CACNA2D4: variants seen among roughly 807,000 people sequenced by gnomAD.
CACNA2D4 encodes the protein voltage-dependent calcium channel subunit alpha-2/delta-4.
CACNA2D4 carries 157 observed loss-of-function variants against 163.8 expected under a neutral mutation model. The ratio of observed to expected loss-of-function variants is 0.96; its 90% CI spans 0.84 to 1.09. The LOEUF is 1.09. Among genes scored for constraint, CACNA2D4 ranks in the 50% least tolerant of loss-of-function variants. The pLI is 0.00. For missense variants in CACNA2D4, 1,410 were observed against 1,479.9 expected (o/e 0.95, Z 0.78); for synonymous variants, 598 against 586.9 (o/e 1.02, Z -0.27).
rs1445388327 is a variant in CACNA2D4, at chr12:1,810,572, C to T, written c.2629G>A (p.Gly877Arg). The change falls in exon 28 of 38, where the codon GGG (glycine) becomes AGG (arginine). Residue 877 changes from glycine (G) to arginine (R), a missense_variant. By Grantham distance (125) the Gly-to-Arg change is moderately radical. Transcript: ENST00000382722. The part of the protein sequence containing the change: ...AATRQCSTVD[G>R]PCTQSCEDSD... Reference sequence around the variant, plus strand: ...TCCTCGCAGCTCTGTGTGCACGGCCCATCCACAGTGCTGCACTGGAAGGAA... The same window carrying T: ...TCCTCGCAGCTCTGTGTGCACGGCCTATCCACAGTGCTGCACTGGAAGGAA... 1.9e-6 allele frequency: 3 copies of T among 1,553,578 alleles called. No homozygotes were observed. The South Asian group carries it at 3.6e-5, about 18-fold the overall frequency.
At chr12:1,859,611 A>T (rs1006192907) in intron 19 of CACNA2D4, among the ~76,000 whole-genome samples, 1 of 152,214 alleles carries the variant, frequency 6.6e-6, no homozygotes, top group African/African-American at 2.4e-5. Flanking sequence ...CTTAATCTTC[A>T]CAACATCACC....
rs1855749824 is a variant in CACNA2D4 at position 1,829,282 on chromosome 12, T to G, written c.2551+11457A>C. ...CAGATCCTTTTGAGAGGGAGCTGAA[T>G]GCGTTGGATTTTATTTCCTGGGGAA... is the stretch of plus-strand genomic sequence containing the variant. On this transcript the variant is annotated intron_variant, in intron 26 of 37. Coordinates refer to ENST00000382722, the MANE Select transcript of CACNA2D4 (RefSeq NM_172364.5). This position sits in a 1 kb window ranked among gnomAD's most constrained non-coding sequence, Gnocchi z 4.2. Among the ~76,000 whole-genome samples, 1 of 152,142 alleles carries G rather than the reference T, an allele frequency of 6.6e-6. No individual in the cohort carries two copies. Among genetic ancestry groups the G allele is most frequent in the South Asian group, 2.1e-4 (1 of 4,836 alleles).
At position 1,869,900 on chromosome 12, in the gene CACNA2D4, T is replaced by G. The variant is rs199881400; in HGVS notation, c.1878+4704A>C. On this transcript the variant is annotated intron_variant, in intron 18 of 37. Transcript: ENST00000382722. The surrounding 1 kb of genome is among the most constrained non-coding windows in gnomAD (Gnocchi z 4.7). The stretch of plus-strand genomic sequence containing the variant: ...AACAGCTGGGTCATAACACTTTTTA[T>G]TATATACTGGATATTTGAGGGGTAG... Among the ~76,000 whole-genome samples the G allele has an allele frequency of 1.3e-5, 2 of 152,380 alleles. No individual in the cohort carries two copies. Among genetic ancestry groups the G allele is most frequent in the East Asian group, 3.8e-4 (2 of 5,196 alleles).
chr12:1,833,502 G>A lies in CACNA2D4; in HGVS notation c.2551+7237C>T, dbSNP rs1210709336. Among the ~76,000 whole-genome samples the A allele has an allele frequency of 6.6e-6, 1 of 152,084 alleles. No homozygotes were observed. The highest frequency in any genetic ancestry group is 1.5e-5 in the Non-Finnish European group (1 of 68,012). On this transcript the variant is annotated intron_variant, in intron 26 of 37. Transcript: ENST00000382722. The surrounding 1 kb of genome is among the most constrained non-coding windows in gnomAD (Gnocchi z 4.2). ...CATCCTGGCGAGCCCGTGCGCCCAG[G>A]TACCCACACCTCCTCATCAACACCA... is the stretch of plus-strand genomic sequence containing the variant.
At chr12:1,840,429 T>C (rs1295318404) in intron 26 of CACNA2D4, among the ~76,000 whole-genome samples, 1 of 39,556 alleles carries the variant, frequency 2.5e-5, no homozygotes. Flanking sequence ...ACGGTAAATA[T>C]ATTATGTGGA....
intron 3 of CACNA2D4, 45 bp downstream of exon 3, chr12:1,912,978 A>C (rs781582377): frequency 6.7e-5 from 86 of 1,282,346 alleles, no homozygotes; most frequent in Non-Finnish European, 2.4e-5. Context: ...CACCTGCGTC[A>C]TGGGGCTGGG....
intron 26 of CACNA2D4, chr12:1,831,294 C>G (rs866684672): frequency 1.2e-6 from 2 of 1,613,698 alleles, no homozygotes; most frequent in South Asian, 2.2e-5. Context: ...GCCGCTGCTC[C>G]GCCACCTGGA....
At chr12:1,864,832 G>A (rs1179742951) in intron 18 of CACNA2D4, among the ~76,000 whole-genome samples, 1 of 152,228 alleles carries the variant, frequency 6.6e-6, no homozygotes, top group African/African-American at 2.4e-5. Flanking sequence ...CGCAATGCTC[G>A]CAGGGAGTCG....
rs750633166 is a variant in CACNA2D4 at position 1,829,198 on chromosome 12, G to A, written c.2551+11541C>T. Among the ~76,000 whole-genome samples, 23 of 152,298 alleles carry A rather than the reference G, an allele frequency of 1.5e-4. No individual in the cohort carries two copies. Among genetic ancestry groups the A allele is most frequent in the African/African-American group, 1.9e-4 (8 of 41,560 alleles). ...GCGCAGGGAGTCGCTCTTCCGCAGC[G>A]GCTCTCTTAGCCTGCTGTCAGGCCC... On this transcript the variant is annotated intron_variant, in intron 26 of 37. Transcript: ENST00000382722. The surrounding 1 kb of genome is among the most constrained non-coding windows in gnomAD (Gnocchi z 4.2).
At chr12:1,866,416 G>C (rs989261588) in intron 18 of CACNA2D4, among the ~76,000 whole-genome samples, 1 of 152,156 alleles carries the variant, frequency 6.6e-6, no homozygotes, top group Admixed American at 6.5e-5. Context: ...TAAATAGTCA[G>C]TTGTCTTTTT....
intron 18 of CACNA2D4, among the ~76,000 whole-genome samples, chr12:1,866,928 G>A (rs554887567): frequency 3.3e-5 from 5 of 151,902 alleles, no homozygotes; most frequent in East Asian, 3.9e-4. Context: ...CTACTGCCCC[G>A]GCCTGAAAAT....
At chr12:1,837,787 T>C (rs1341388893) in intron 26 of CACNA2D4, among the ~76,000 whole-genome samples, 1 of 152,112 alleles carries the variant, frequency 6.6e-6, no homozygotes, top group African/African-American at 2.4e-5. Flanking sequence ...AAGACAAGTC[T>C]TCCCGAGCCC....
Position 1,883,108 on chromosome 12 carries a change from C to T in CACNA2D4, c.1352-108G>A. ...CAGATGGCTCATAGCCGAATACTCT[C>T]TGGAAACTGGACCGGGGCACAGGGA... On this transcript the variant is annotated intron_variant, in intron 12 of 37. Transcript: ENST00000382722. The surrounding 1 kb of genome is among the most constrained non-coding windows in gnomAD (Gnocchi z 4.5). 4.0e-6 allele frequency: 5 copies of T among 1,252,808 alleles called. No individual in the cohort carries two copies. The highest frequency in any genetic ancestry group is 5.5e-6 in the Non-Finnish European group (5 of 909,502). 77.6% of individuals were successfully genotyped at this position (1,252,808 alleles called of 1,614,324 possible).
intron 16 of CACNA2D4, among the ~76,000 whole-genome samples, chr12:1,877,735 T>C (rs1187300955): frequency 6.6e-6 from 1 of 152,222 alleles, no homozygotes; most frequent in African/African-American, 2.4e-5. Flanking sequence ...ACAGCCACAC[T>C]GAGAGCTGTG....
intron 26 of CACNA2D4, among the ~76,000 whole-genome samples, chr12:1,825,726 T>G (rs1340505509): frequency 6.6e-6 from 1 of 152,202 alleles, no homozygotes; most frequent in African/African-American, 2.4e-5. Flanking sequence ...GAGGCCTGTG[T>G]GTGTGCCCTG....
In CACNA2D4 at chr12:1,834,736, C is replaced by G. The variant is rs1465639849; in HGVS notation, c.2551+6003G>C. On this transcript the variant is annotated intron_variant, in intron 26 of 37. Transcript: ENST00000382722. The surrounding 1 kb of genome is among the most constrained non-coding windows in gnomAD (Gnocchi z 7.6). ...CTGTGGCCTGAGCGCCCATCCCCAC[C>G]CGGCCAGGTAGGAAGGGCGGGGAGA... The G allele has an allele frequency of 1.9e-6, 3 of 1,572,496 alleles. No homozygotes were observed. Among genetic ancestry groups the G allele is most frequent in the Non-Finnish European group, 2.6e-6 (3 of 1,161,004 alleles).
At position 1,820,217 on chromosome 12, in the gene CACNA2D4, A is replaced by G. The variant is rs933667922; in HGVS notation, c.2552-8494T>C. On this transcript the variant is annotated intron_variant, in intron 26 of 37. Transcript: ENST00000382722. This position sits in a 1 kb window ranked among gnomAD's most constrained non-coding sequence, Gnocchi z 6.0. The stretch of plus-strand genomic sequence containing the variant: ...TCTTTCCCCAGATGGAGGGGAAGAG[A>G]GGAGAGAGGCACAGAAGACAGGTGC... 2 of 151,598 alleles carry G rather than the reference A, an allele frequency of 1.3e-5. No homozygotes were observed. Among genetic ancestry groups the G allele is most frequent in the African/African-American group, 4.9e-5 (2 of 40,960 alleles). The allele number at this position is 151,598 out of a possible 1,614,324, so 9.4% of individuals were successfully genotyped here.
intron 1 of CACNA2D4, among the ~76,000 whole-genome samples, chr12:1,916,573 A>AGCG (rs1866987410): frequency 6.6e-6 from 1 of 151,784 alleles, no homozygotes; most frequent in Non-Finnish European, 1.5e-5. Flanking sequence ...CGGGGCAGGC[A>AGCG]GAGGAGGAGG....
Position 1,875,163 on chromosome 12 carries a change from G to T in CACNA2D4, c.1806+88C>A. The T allele has an allele frequency of 1.1e-6, 1 of 906,788 alleles. No homozygotes were observed. The highest frequency in any genetic ancestry group is 1.8e-6 in the Non-Finnish European group (1 of 544,068). 56.2% of individuals were successfully genotyped at this position (906,788 alleles called of 1,614,324 possible). ...CTGTTCTGCCTGACAGGAACAGAGT[G>T]ACCTCAAAGCTCACAGCCACACAGC... On this transcript the variant is annotated intron_variant, in intron 17 of 37. Coordinates refer to ENST00000382722, the MANE Select transcript of CACNA2D4 (RefSeq NM_172364.5). The surrounding 1 kb of genome is among the most constrained non-coding windows in gnomAD (Gnocchi z 4.0).
Sources: allele counts gnomAD v4.1 joint callset (sites outside exome capture counted in the v4.1 genomes callset), GRCh38; gene constraint gnomAD v4.1.1; non-coding constraint Gnocchi (gnomAD v3.1); transcripts MANE v1.5; gene names NCBI Gene and HGNC (gene_info 2026-07-23, HGNC 2026-07-21).